The following TMEM44 variants were observed in gnomAD, a reference collection of about 807,000 sequenced individuals.
TMEM44 encodes the protein transmembrane protein 44.
TMEM44 carries 43 observed loss-of-function variants against 47.8 expected under a neutral mutation model. The observed-to-expected ratio is 0.90, with a 90% CI of 0.70 to 1.16. The LOEUF is 1.16. TMEM44 is among the 50% of genes most tolerant of loss of function. The pLI, the probability that TMEM44 is intolerant of heterozygous loss-of-function variation, is 0.00. For missense variants in TMEM44, 568 were observed against 555.2 expected, an observed-to-expected ratio of 1.02 and a Z score of -0.23; for synonymous variants, 277 against 238.8, an observed-to-expected ratio of 1.16 and a Z score of -1.48.
chr3:194,617,240 GTGGA>G lies in TMEM44; in HGVS notation c.638_641del (p.Ile213ThrfsTer37). On this transcript the variant is annotated frameshift_variant, in exon 6 of 10. Coordinates refer to ENST00000347147, the MANE Select transcript of TMEM44 (RefSeq NM_001011655.3). LOFTEE classifies it high-confidence loss of function. ...GGGCCGACAGGAGCCGGGTCCACAGGTGGATGGAGGGAAATGTCTTCCCCCGGCA... is the reference window on the plus strand; with the variant it reads ...GGGCCGACAGGAGCCGGGTCCACAGGTGGAGGGAAATGTCTTCCCCCGGCA... The G allele has an allele frequency of 1.3e-6, 2 of 1,547,364 alleles. No homozygotes were observed. The highest frequency in any genetic ancestry group is 1.7e-6 in the Non-Finnish European group (2 of 1,145,168).
intron 9 of TMEM44, among the ~76,000 whole-genome samples, chr3:194,594,051 A>G (rs900536349): frequency 1.3e-5 from 2 of 152,046 alleles, no homozygotes; most frequent in Admixed American, 6.6e-5. Flanking sequence ...AGCTCAAGCA[A>G]TCCTCCCACC....
intron 9 of TMEM44, among the ~76,000 whole-genome samples, chr3:194,594,838 A>C (rs7647309): frequency 0.4 from 60,827 of 151,994 alleles, 12,367 homozygotes; most frequent in East Asian, 0.52. Flanking sequence ...TCCTTTACAA[A>C]GCTTAAATCT....
At chr3:194,626,061 G>A (rs1285767981) in intron 2 of TMEM44, 71 bp from the exon 3 acceptor site, 18 of 1,257,646 alleles carry the variant, frequency 1.4e-5, no homozygotes, top group African/African-American at 4.4e-5. Context: ...TTTGTCATCC[G>A]GGACCCTGTA....
At chr3:194,616,594 G>A (rs1474559366) in intron 6 of TMEM44, 1 of 456,628 alleles carries the variant, frequency 2.2e-6, no homozygotes, top group African/African-American at 2.0e-5. Context: ...GCAGCTGGAA[G>A]AGGCAAGCGA....
At chr3:194,597,003 G>A (rs1773175) in intron 9 of TMEM44, 140,367 of 152,314 alleles carry the variant, frequency 0.92, 64,740 homozygotes, top group East Asian at 0.98. Context: ...ACACGGGCCT[G>A]GGACTTGGCC....
At chr3:194,617,301 G>A (rs528734045) in intron 5 of TMEM44, 32 bp from the exon 6 acceptor site, 109 of 1,483,114 alleles carry the variant, frequency 7.3e-5, no homozygotes, top group Middle Eastern at 2.0e-4. Flanking sequence ...CTGGGCGGGA[G>A]AAGCAGCAGA....
intron 9 of TMEM44, among the ~76,000 whole-genome samples, chr3:194,599,165 GCT>G (rs1414293538): frequency 6.6e-6 from 1 of 152,204 alleles, no homozygotes; most frequent in Non-Finnish European, 1.5e-5. Flanking sequence ...TCAATCTTAT[GCT>G]CTGTCTCTCC....
chr3:194,595,918 C>T (rs1300098446), intron 9 of TMEM44, among the ~76,000 whole-genome samples: 1 of 152,156 alleles, frequency 6.6e-6, no homozygotes, highest in Non-Finnish European at 1.5e-5. Context: ...AGCCACCGCA[C>T]CCGGCTGATG....
intron 9 of TMEM44, chr3:194,590,283 T>C (rs1712488456): frequency 6.6e-6 from 1 of 152,240 alleles, no homozygotes; most frequent in African/African-American, 2.4e-5. Flanking sequence ...GTACTAATAC[T>C]TGGCGATTTT....
intron 8 of TMEM44, among the ~76,000 whole-genome samples, chr3:194,608,965 C>T (rs1715043007): frequency 6.6e-6 from 1 of 152,142 alleles, no homozygotes; most frequent in East Asian, 1.9e-4. Flanking sequence ...AGGATGACAG[C>T]CAGGAGGCTG....
chr3:194,602,623 G>A (rs2109167142), intron 9 of TMEM44, among the ~76,000 whole-genome samples: 1 of 151,280 alleles, frequency 6.6e-6, no homozygotes, highest in Middle Eastern at 3.4e-3. Context: ...AAGAAGGAAA[G>A]AAAGGTACGT....
At position 194,628,595 on chromosome 3, in the gene TMEM44, G is replaced by A. The variant is rs1364203869; in HGVS notation, c.138-86C>T. ...ATCTAAAAAGGGCAACTGTGACCCCGCATCGTCAGGGAGCTCTTTCTGCCC... is the reference window on the plus strand; with the variant it reads ...ATCTAAAAAGGGCAACTGTGACCCCACATCGTCAGGGAGCTCTTTCTGCCC... On this transcript the variant is annotated intron_variant, in intron 1 of 9. Transcript: ENST00000347147. 17 of 1,448,264 alleles carry A rather than the reference G, an allele frequency of 1.2e-5. No individual in the cohort carries two copies. In the South Asian group the frequency reaches 1.4e-4, roughly 12 times the overall value. The allele number at this position is 1,448,264 out of a possible 1,614,324, so 89.7% of individuals were successfully genotyped here.
chr3:194,628,375 C>T lies in TMEM44; in HGVS notation c.264+8G>A, dbSNP rs145473166. 1.1e-3 allele frequency: 1,838 copies of T among 1,608,766 alleles called. 16 individuals carry two copies. In the African/African-American group the frequency reaches 0.021, roughly 18 times the overall value. Reference sequence around the variant, plus strand: ...CCTAAGCCACTGTCAGCTGGAGGCCCAACATACCTGGATTGTGAGCTGTCT... The same window carrying T: ...CCTAAGCCACTGTCAGCTGGAGGCCTAACATACCTGGATTGTGAGCTGTCT... On this transcript the variant is annotated splice_region_variant and intron_variant, in intron 2 of 9. Transcript: ENST00000347147.
chr3:194,630,692 G>T (rs576818631), intron 1 of TMEM44, among the ~76,000 whole-genome samples: 1 of 141,972 alleles, frequency 7.0e-6, no homozygotes, highest in South Asian at 2.3e-4. Flanking sequence ...CGGCGTCACT[G>T]ATAGGGCCCC....
At chr3:194,630,863 AC>A (rs1361983084) in intron 1 of TMEM44, among the ~76,000 whole-genome samples, 6 of 142,390 alleles carry the variant, frequency 4.2e-5, no homozygotes, top group South Asian at 2.3e-4. Context: ...ACGCTGTCGT[AC>A]CTGCCTCCCG....
At chr3:194,610,655 G>A (rs1309855669) in intron 8 of TMEM44, among the ~76,000 whole-genome samples, 2 of 152,014 alleles carry the variant, frequency 1.3e-5, no homozygotes, top group Admixed American at 6.6e-5. Flanking sequence ...ACCTCCTTGA[G>A]CCACATTTTT....
At chr3:194,623,058 C>T (rs957892601) in intron 5 of TMEM44, 166 bp downstream of exon 5, 2 of 628,754 alleles carry the variant, frequency 3.2e-6, no homozygotes, top group African/African-American at 3.9e-5. Context: ...TCCACACACA[C>T]CCCCTCCTTG....
At chr3:194,598,471 A>C (rs1713682478) in intron 9 of TMEM44, among the ~76,000 whole-genome samples, 1 of 152,208 alleles carries the variant, frequency 6.6e-6, no homozygotes, top group Non-Finnish European at 1.5e-5. Context: ...AACTGGGTTC[A>C]AACCCCAGCC....
intron 1 of TMEM44, among the ~76,000 whole-genome samples, chr3:194,632,626 G>C (rs1717937201): frequency 6.6e-6 from 1 of 152,220 alleles, no homozygotes; most frequent in African/African-American, 2.4e-5. Flanking sequence ...AAGGTCCTAA[G>C]AGTTGGTGGC....
Sources: allele counts gnomAD v4.1 joint callset (sites outside exome capture counted in the v4.1 genomes callset), GRCh38; gene constraint gnomAD v4.1.1; transcripts MANE v1.5; gene names NCBI Gene and HGNC (gene_info 2026-07-23, HGNC 2026-07-21).